The following DHX58 variants were observed in gnomAD, a reference collection of about 807,000 sequenced individuals.
The protein encoded by DHX58 is DExH-box helicase 58.
In DHX58, 51 loss-of-function variants were observed where a neutral mutation model predicts 65.0. The ratio of observed to expected loss-of-function variants is 0.78; its 90% CI spans 0.63 to 0.99. The LOEUF is 0.99. Ranked by LOEUF, DHX58 falls within the 50% of genes least tolerant of loss-of-function variation. The pLI, the probability that DHX58 is intolerant of heterozygous loss-of-function variation, is 0.00. For synonymous variants in DHX58, 350 were observed against 365.0 expected (o/e 0.96, Z 0.47); for missense variants, 773 against 891.8 (o/e 0.87, Z 1.70).
rs114326479 is a variant in DHX58, at chr17:42,108,125, T to G, written c.679-17A>C. On this transcript the variant is annotated splice_polypyrimidine_tract_variant and intron_variant, in intron 6 of 13. Transcript: ENST00000251642. ...AAACGGATCCTGAGCAAGAGGAGAG[T>G]TGGAGGGGATTCCCATACACGTTGG... 1,529 of 1,613,936 alleles carry G rather than the reference T, an allele frequency of 9.5e-4. 10 individuals carry two copies. In the African/African-American group the frequency reaches 0.018, roughly 19 times the overall value.
Position 42,111,844 on chromosome 17 carries a change from C to T in DHX58, c.49G>A (p.Gly17Ser), listed in dbSNP as rs782640891. The change falls in exon 3 of 14, where the codon GGC becomes AGC. Residue 17 changes from glycine to serine, a missense_variant. Transcript: ENST00000251642. Reference protein sequence around the residue: ...QWEVIMPALEGKNIIIWLPTG... With the variant: ...QWEVIMPALESKNIIIWLPTG... ...GGCAGCCAGATGATGATATTCTTGC[C>T]CTCCAGGGCAGGCATGATCACCTCC... 2.5e-6 allele frequency: 4 copies of T among 1,613,966 alleles called. No individual in the cohort carries two copies. The East Asian group carries it at 6.7e-5, about 27-fold the overall frequency.
chr17:42,105,853 T>C lies in DHX58; in HGVS notation c.1134A>G (p.Gln378=), dbSNP rs2054049629. Residue 378 remains glutamine (Q), a synonymous_variant, in exon 9 of 14, where the codon CAA becomes CAG. Transcript: ENST00000251642. The stretch of plus-strand genomic sequence containing the variant: ...GCCAGAGCAGGAGGGAGTGTGCGCT[T>C]TGGCGGGTGCGGGTGAAGATGATAC... ...PRGIIFTRTR[Q]SAHSLLLWLQ... 6.2e-7 allele frequency: 1 copy of C among 1,613,958 alleles called. No homozygotes were observed. Among genetic ancestry groups the C allele is most frequent in the Non-Finnish European group, 8.5e-7 (1 of 1,180,006 alleles).
chr17:42,104,946 G>A lies in DHX58; in HGVS notation c.1402-19C>T, dbSNP rs2054032584. 2 of 1,613,760 alleles carry A rather than the reference G, an allele frequency of 1.2e-6. No homozygotes were observed. Among genetic ancestry groups the A allele is most frequent in the Admixed American group, 1.7e-5 (1 of 60,024 alleles). ...CCCTGGCCTGGGAAGAGAGACAAGG[G>A]GTGTCCTGAGTTGGGCTGGGGCCCC... On this transcript the variant is annotated intron_variant, in intron 10 of 13. Transcript: ENST00000251642.
chr17:42,103,535 A>G, intron 12 of DHX58, 73 bp downstream of exon 12: 1 of 1,565,940 alleles, frequency 6.4e-7, no homozygotes. Context: ...TAGCTTCCCA[A>G]AGCTTCAAAG....
At chr17:42,104,716 G>A (rs782156220) in intron 11 of DHX58, 50 bp downstream of exon 11, 1 of 1,599,658 alleles carries the variant, frequency 6.3e-7, no homozygotes, top group South Asian at 1.1e-5. Flanking sequence ...GCCAGGGAGG[G>A]GCTCCCTCCT....
Position 42,101,837 on chromosome 17 carries a change from C to T in DHX58, c.1961G>A (p.Arg654His), listed in dbSNP as rs117253612. The T allele has an allele frequency of 4.6e-3, 7,355 of 1,614,228 alleles. 24 individuals carry two copies. The highest frequency in any genetic ancestry group is 4.9e-3 in the Non-Finnish European group (5,771 of 1,180,052). ...QGRIQAKKWS[R>H]VPFSVPDFDF... is the part of the protein sequence containing the mutation. The stretch of plus-strand genomic sequence containing the variant: ...AAAGTCAGGCACGGAGAAGGGCACG[C>T]GGGACCACTTTTTGGCCTGGATCCG... The change falls in exon 14 of 14, where the codon CGC becomes CAC. Residue 654 changes from arginine (R) to histidine (H), a missense_variant. Transcript: ENST00000251642.
chr17:42,102,203 C>T lies in DHX58; in HGVS notation c.1851+13G>A. 1 of 1,613,968 alleles carries T rather than the reference C, an allele frequency of 6.2e-7. No homozygotes were observed. Among genetic ancestry groups the T allele is most frequent in the Non-Finnish European group, 8.5e-7 (1 of 1,179,884 alleles). On this transcript the variant is annotated intron_variant, in intron 13 of 13. Coordinates refer to ENST00000251642, the MANE Select transcript of DHX58 (RefSeq NM_024119.3). The stretch of plus-strand genomic sequence containing the variant: ...GAGGACTCTGGGGCCTGGGACGTGG[C>T]CTAAGCTCTTACCTCCCCACAGTTC...
rs1555661629 is a variant in DHX58, at chr17:42,101,918, G to A, written c.1880C>T (p.Ser627Leu). Residue 627 changes from serine (S) to leucine (L), a missense_variant, in exon 14 of 14, where the codon TCA (serine) becomes TTA (leucine). Physicochemically the swap from Ser to Leu is moderately radical, Grantham distance 145. Transcript: ENST00000251642. ...EVWGLQMIYK[S>L]VKLPVLKVRS... is the part of the protein sequence containing the mutation. ...GACTTTGAGCACTGGCAGCTTCACT[G>A]ACTTGTAGATCATCTGCAGACCCCA... is the stretch of plus-strand genomic sequence containing the variant. The A allele has an allele frequency of 1.9e-6, 3 of 1,613,624 alleles. No homozygotes were observed. The highest frequency in any genetic ancestry group is 1.7e-5 in the Admixed American group (1 of 59,912).
At chr17:42,108,709 C>T (rs1004223184) in intron 6 of DHX58, among the ~76,000 whole-genome samples, 1 of 152,220 alleles carries the variant, frequency 6.6e-6, no homozygotes, top group South Asian at 2.1e-4. Context: ...CAGCTGCAGG[C>T]GTGGGGGCAG....
rs2054051118 is a variant in DHX58 at position 42,105,912 on chromosome 17, G to C, written c.1075C>G (p.Gln359Glu). 6.2e-7 allele frequency: 1 copy of C among 1,613,770 alleles called. No homozygotes were observed. Among genetic ancestry groups the C allele is most frequent in the Non-Finnish European group, 8.5e-7 (1 of 1,180,020 alleles). ...PKLEMLEKIL[Q>E]RQFSSSNSPR... ...CTGTTAGAGCTACTGAACTGCCTTTGCAGGATCTTTTCCAGCATCTCCAGT... is the reference window on the plus strand; with the variant it reads ...CTGTTAGAGCTACTGAACTGCCTTTCCAGGATCTTTTCCAGCATCTCCAGT... The change falls in exon 9 of 14, where the codon CAA becomes GAA. Residue 359 changes from glutamine (Q) to glutamate (E), a missense_variant. By Grantham distance (29) the Gln-to-Glu change is conservative. Coordinates refer to ENST00000251642, the MANE Select transcript of DHX58 (RefSeq NM_024119.3).
In DHX58 at chr17:42,112,161, T is replaced by C; in HGVS notation, c.-50A>G. ...CAGGGCAGTCCCACTTAACTCAGCCTGGTGCCACTCTGCTCAGCTCAGAGA... is the reference window on the plus strand; with the variant it reads ...CAGGGCAGTCCCACTTAACTCAGCCCGGTGCCACTCTGCTCAGCTCAGAGA... On this transcript the variant is annotated 5_prime_UTR_variant, in exon 2 of 14. Coordinates refer to ENST00000251642, the MANE Select transcript of DHX58 (RefSeq NM_024119.3). 1 of 356,492 alleles carries C rather than the reference T, an allele frequency of 2.8e-6. No homozygotes were observed. Among genetic ancestry groups the C allele is most frequent in the Non-Finnish European group, 5.1e-6 (1 of 197,332 alleles). 22.1% of individuals were successfully genotyped at this position (356,492 alleles called of 1,614,324 possible).
At chr17:42,103,838 G>T in intron 11 of DHX58, 40 bp from the exon 12 acceptor site, 1 of 1,581,078 alleles carries the variant, frequency 6.3e-7, no homozygotes, top group South Asian at 1.1e-5. Context: ...TGGGGCCTAA[G>T]AGAACGTTCC....
intron 11 of DHX58, 101 bp from the exon 12 acceptor site, chr17:42,103,899 G>T (rs1408755495): frequency 3.8e-6 from 5 of 1,313,714 alleles, no homozygotes; most frequent in Non-Finnish European, 5.2e-6. Flanking sequence ...ACCTGGAAGA[G>T]ACTTTCCTTA....
At chr17:42,102,385 C>G in intron 12 of DHX58, 73 bp from the exon 13 acceptor site, 3 of 1,357,470 alleles carry the variant, frequency 2.2e-6, no homozygotes, top group Non-Finnish European at 2.1e-6. Flanking sequence ...CTCCTGCCGG[C>G]CAAGTCTCTG....
Position 42,111,427 on chromosome 17 carries a change from AG to A in DHX58, c.238del (p.Leu80Ter). 6.2e-7 allele frequency: 1 copy of A among 1,614,140 alleles called. No homozygotes were observed. The highest frequency in any genetic ancestry group is 8.5e-7 in the Non-Finnish European group (1 of 1,180,008). On this transcript the variant is annotated frameshift_variant, in exon 4 of 14. Coordinates refer to ENST00000251642, the MANE Select transcript of DHX58 (RefSeq NM_024119.3). LOFTEE classifies it high-confidence loss of function. ...MLDGRWTVTT[L>X]SGDMGPRAGF... ...AGCACGTGGTCCCATGTCCCCACTC[AG>A]GGTTGTCACGGTCCAGCGTCCATCC... is the stretch of plus-strand genomic sequence containing the variant.
At position 42,110,926 on chromosome 17, in the gene DHX58, G is replaced by A. The variant is rs374706813; in HGVS notation, c.371-13C>T. On this transcript the variant is annotated splice_polypyrimidine_tract_variant and intron_variant, in intron 4 of 13. Transcript: ENST00000251642. ...ATCAGGGAGAAGACTGAGGGCACAG[G>A]GGGGAAGGCTGTGACCTATGTTTGC... 2.5e-5 allele frequency: 39 copies of A among 1,587,694 alleles called. No individual in the cohort carries two copies. Among genetic ancestry groups the A allele is most frequent in the Non-Finnish European group, 3.3e-5 (38 of 1,164,582 alleles).
In DHX58 at chr17:42,101,791, G is replaced by C. The variant is rs145954849; in HGVS notation, c.2007C>G (p.Ala669=). 7.4e-6 allele frequency: 12 copies of C among 1,614,196 alleles called. No individual in the cohort carries two copies. Among genetic ancestry groups the C allele is most frequent in the Non-Finnish European group, 9.3e-6 (11 of 1,180,036 alleles). Residue 669 remains alanine, a synonymous_variant, in exon 14 of 14, where the codon GCC becomes GCG. Coordinates refer to ENST00000251642, the MANE Select transcript of DHX58 (RefSeq NM_024119.3). ...VPDFDFLQHC[A]ENLSDLSLD ...CCAGGGAGAGGTCCGACAAGTTCTC[G>C]GCACAATGCTGCAGGAAGTCAAAGT...
Position 42,105,987 on chromosome 17 carries a change from GGTCT to G in DHX58, c.998-2_999del, listed in dbSNP as rs2054052274. On this transcript the variant is annotated splice_acceptor_variant and coding_sequence_variant, in exon 9 of 14. Coordinates refer to ENST00000251642, the MANE Select transcript of DHX58 (RefSeq NM_024119.3). LOFTEE classifies it high-confidence loss of function. ...GCCAAGTGGGCCAGCTCATTCTTGC[GGTCT>G]GTCAAAAACCCCAAAATTTAGCTGG... 1 of 1,611,438 alleles carries G rather than the reference GGTCT, an allele frequency of 6.2e-7. No individual in the cohort carries two copies. The highest frequency in any genetic ancestry group is 1.7e-4 in the Middle Eastern group (1 of 6,038).
At chr17:42,105,225 C>T in intron 9 of DHX58, 58 bp from the exon 10 acceptor site, 1 of 1,517,638 alleles carries the variant, frequency 6.6e-7, no homozygotes, top group Non-Finnish European at 8.8e-7. Flanking sequence ...CTCAGACTGA[C>T]TCCACCTGCC....
Sources: gnomAD v4.1 joint callset for allele counts (sites outside exome capture counted in the v4.1 genomes callset) on GRCh38, gnomAD v4.1.1 for gene constraint, MANE v1.5 for transcripts, NCBI Gene and HGNC (gene_info 2026-07-23, HGNC 2026-07-21) for gene names.